Variants in ATP9B observed in about 807,000 individuals in gnomAD.
The protein encoded by ATP9B is probable phospholipid-transporting ATPase IIB.
In ATP9B, 110 loss-of-function variants were observed where a neutral mutation model predicts 146.1. The ratio of observed to expected loss-of-function variants is 0.75; its 90% CI spans 0.65 to 0.88. ATP9B has a LOEUF of 0.88. Among genes scored for constraint, ATP9B ranks in the 40% least tolerant of loss-of-function variants. ATP9B has a pLI of 0.00. For missense variants in ATP9B, 1,499 were observed against 1,496.4 expected (o/e 1.00, Z -0.03); for synonymous variants, 604 against 569.7 (o/e 1.06, Z -0.86).
chr18:79,098,520 T>A (rs890330201), intron 2 of ATP9B, among the ~76,000 whole-genome samples: 7 of 150,684 alleles, frequency 4.6e-5, no homozygotes, highest in Non-Finnish European at 1.0e-4. Context: ...TACAATGAAC[T>A]CAAACAAATT....
At chr18:79,307,272 C>G (rs759474798) in intron 15 of ATP9B, 38 bp downstream of exon 15, 1 of 1,612,264 alleles carries the variant, frequency 6.2e-7, no homozygotes, top group Non-Finnish European at 8.5e-7. Context: ...CTTGTCCGTT[C>G]CATTTGGACT....
intron 7 of ATP9B, among the ~76,000 whole-genome samples, chr18:79,163,057 T>A (rs1177584300): frequency 6.6e-6 from 1 of 152,184 alleles, no homozygotes; most frequent in East Asian, 1.9e-4. Context: ...AGTAATACAT[T>A]TTTTGCTGAG....
chr18:79,093,417 A>G (rs1390821916), intron 1 of ATP9B, among the ~76,000 whole-genome samples: 2 of 152,132 alleles, frequency 1.3e-5, no homozygotes, highest in African/African-American at 4.8e-5. Context: ...CAGGCATTTG[A>G]ATCGATGTTC....
chr18:79,285,237 A>C (rs554138678), intron 13 of ATP9B, among the ~76,000 whole-genome samples: 1 of 151,786 alleles, frequency 6.6e-6, no homozygotes, highest in Admixed American at 6.6e-5. Context: ...AGTCCCACCA[A>C]CAGTGTAAAA....
chr18:79,170,402 A>G (rs904618838), intron 7 of ATP9B, among the ~76,000 whole-genome samples: 2 of 152,186 alleles, frequency 1.3e-5, no homozygotes, highest in African/African-American at 4.8e-5. Flanking sequence ...TGCTTCCTGT[A>G]GTGCAATATT....
chr18:79,214,348 A>C (rs2095608932), intron 11 of ATP9B, among the ~76,000 whole-genome samples: 2 of 152,154 alleles, frequency 1.3e-5, no homozygotes, highest in Non-Finnish European at 2.9e-5. Flanking sequence ...CAGTCTACTT[A>C]TTTTACAATT....
intron 7 of ATP9B, among the ~76,000 whole-genome samples, chr18:79,161,769 C>G (rs982165827): frequency 2.0e-5 from 3 of 152,242 alleles, no homozygotes; most frequent in Admixed American, 2.0e-4. Flanking sequence ...TGGCGTGAAC[C>G]CGGGAGGCGG....
chr18:79,096,500 G>A lies in ATP9B; in HGVS notation c.144G>A (p.Ala48=), dbSNP rs200024987. The A allele has an allele frequency of 3.6e-4, 588 of 1,613,962 alleles. 3 individuals are homozygous for A. Among genetic ancestry groups the A allele is most frequent in the South Asian group, 1.8e-3 (160 of 91,068 alleles). The change falls in exon 2 of 30, where the codon GCG becomes GCA. Residue 48 remains alanine, a synonymous_variant. Coordinates refer to ENST00000426216, the MANE Select transcript of ATP9B (RefSeq NM_198531.5). ...HSRYQLEDES[A]HLDEMPLMMS... ...GGTACCAGCTGGAGGATGAGTCTGCGCATTTGGATGAAATGCCACTAATGA... is the reference window on the plus strand; with the variant it reads ...GGTACCAGCTGGAGGATGAGTCTGCACATTTGGATGAAATGCCACTAATGA...
chr18:79,246,955 G>T (rs1293865454), intron 11 of ATP9B, among the ~76,000 whole-genome samples: 3 of 152,332 alleles, frequency 2.0e-5, no homozygotes, highest in Admixed American at 6.5e-5. Flanking sequence ...TTAATATTCA[G>T]TGCTGGATTT....
At chr18:79,136,357 G>T (rs1034185742) in intron 5 of ATP9B, among the ~76,000 whole-genome samples, 4 of 152,038 alleles carry the variant, frequency 2.6e-5, no homozygotes, top group East Asian at 1.9e-4. Flanking sequence ...TTTTTTGAGG[G>T]TTAGTTGTCT....
chr18:79,183,024 G>A (rs1449067123), intron 8 of ATP9B, among the ~76,000 whole-genome samples: 1 of 152,158 alleles, frequency 6.6e-6, no homozygotes, highest in African/African-American at 2.4e-5. Context: ...GGCCATCAGA[G>A]CATTTTGGTA....
chr18:79,334,988 C>T (rs550968308), intron 17 of ATP9B, among the ~76,000 whole-genome samples: 44 of 150,306 alleles, frequency 2.9e-4, no homozygotes, highest in Non-Finnish European at 5.6e-4. Flanking sequence ...TGCCCTCACG[C>T]GTCTGTTCCT....
chr18:79,100,878 C>A (rs775147232), intron 2 of ATP9B, among the ~76,000 whole-genome samples: 2 of 152,120 alleles, frequency 1.3e-5, no homozygotes, highest in Non-Finnish European at 2.9e-5. Flanking sequence ...ATCATCAGAT[C>A]TCGTGAGACT....
At chr18:79,175,154 T>C (rs1600173715) in intron 7 of ATP9B, among the ~76,000 whole-genome samples, 1 of 150,824 alleles carries the variant, frequency 6.6e-6, no homozygotes, top group African/African-American at 2.4e-5. Context: ...TGAGCCGCGA[T>C]TGTGCCACTG....
At chr18:79,255,087 A>G (rs979849999) in intron 12 of ATP9B, 1 of 152,016 alleles carries the variant, frequency 6.6e-6, no homozygotes, top group African/African-American at 2.4e-5. Context: ...GGGCCTCTGT[A>G]AGTATTTGTT....
At chr18:79,264,133 G>T (rs1177691761) in intron 12 of ATP9B, among the ~76,000 whole-genome samples, 5 of 152,128 alleles carry the variant, frequency 3.3e-5, no homozygotes, top group African/African-American at 9.7e-5. Flanking sequence ...GCACTACTTG[G>T]CTGTGTTATT....
chr18:79,086,214 CG>C (rs761200211), intron 1 of ATP9B: 3 of 151,794 alleles, frequency 2.0e-5, no homozygotes, highest in Non-Finnish European at 2.9e-5. Flanking sequence ...CCAAGGTGGG[CG>C]GATCACCTGA....
intron 25 of ATP9B, among the ~76,000 whole-genome samples, chr18:79,352,291 G>T (rs543434646): frequency 6.6e-6 from 1 of 152,180 alleles, no homozygotes; most frequent in South Asian, 2.1e-4. Context: ...CACCAAGAAG[G>T]TGCATGACAT....
intron 1 of ATP9B, among the ~76,000 whole-genome samples, chr18:79,070,215 C>T (rs1024790336): frequency 1.3e-5 from 2 of 152,144 alleles, no homozygotes; most frequent in South Asian, 4.1e-4. Flanking sequence ...AAAAGTGTTG[C>T]TTCTTATAGT....
Sources: allele counts gnomAD v4.1 joint callset (sites outside exome capture counted in the v4.1 genomes callset), GRCh38; gene constraint gnomAD v4.1.1; transcripts MANE v1.5; gene names NCBI Gene and HGNC (gene_info 2026-07-23, HGNC 2026-07-21).